The following AGER variants were observed in gnomAD, a reference collection of about 807,000 sequenced individuals.
AGER encodes the protein advanced glycation end product-specific receptor.
In AGER, 46 loss-of-function variants were observed where a neutral mutation model predicts 48.8. That is an observed-to-expected ratio of 0.94 (90% CI 0.74 to 1.20). The LOEUF is 1.20. Among genes scored for constraint, AGER ranks in the 50% most tolerant of loss-of-function variants. The pLI is 0.00. For synonymous variants in AGER, 170 were observed against 199.9 expected, an observed-to-expected ratio of 0.85 and a Z score of 1.26; for missense variants, 489 against 515.0, an observed-to-expected ratio of 0.95 and a Z score of 0.49.
At position 32,182,044 on chromosome 6, in the gene AGER, T is replaced by C. The variant is rs1290651154; in HGVS notation, c.964+203A>G. On this transcript the variant is annotated intron_variant, in intron 8 of 10. Transcript: ENST00000375076. This position sits in a 1 kb window ranked among gnomAD's most constrained non-coding sequence, Gnocchi z 5.1. Reference sequence around the variant, plus strand: ...CACCGCGCCCAGCCGTCTGTTCCTTTTTTTAGCTCAGAGGGAAGAAGGGAG... The same window carrying C: ...CACCGCGCCCAGCCGTCTGTTCCTTCTTTTAGCTCAGAGGGAAGAAGGGAG... The C allele has an allele frequency of 2.4e-6, 2 of 830,300 alleles. No individual in the cohort carries two copies. Among genetic ancestry groups the C allele is most frequent in the Non-Finnish European group, 4.0e-6 (2 of 503,046 alleles). 51.4% of individuals were successfully genotyped at this position (830,300 alleles called of 1,614,324 possible).
At position 32,183,751 on chromosome 6, in the gene AGER, C is replaced by G. The variant is rs760034116; in HGVS notation, c.160-1G>C. 1.5e-5 allele frequency: 24 copies of G among 1,612,622 alleles called. No homozygotes were observed. Among genetic ancestry groups the G allele is most frequent in the Non-Finnish European group, 1.9e-5 (23 of 1,179,850 alleles). On this transcript the variant is annotated splice_acceptor_variant, in intron 2 of 10. Coordinates refer to ENST00000375076, the MANE Select transcript of AGER (RefSeq NM_001136.5). LOFTEE classifies it high-confidence loss of function. Reference sequence around the variant, plus strand: ...TCCAAGCTTCTGTCCGGCCTGTGTTCTAGAAGCAGAGAAGCAGGGCCTAAA... The same window carrying G: ...TCCAAGCTTCTGTCCGGCCTGTGTTGTAGAAGCAGAGAAGCAGGGCCTAAA...
Position 32,182,337 on chromosome 6 carries a change from C to T in AGER, c.874G>A (p.Gly292Arg). Residue 292 changes from glycine to arginine, a missense_variant, in exon 8 of 11, where the codon GGG becomes AGG. By Grantham distance (125) the Gly-to-Arg change is moderately radical. Coordinates refer to ENST00000375076, the MANE Select transcript of AGER (RefSeq NM_001136.5). This position sits in a 1 kb window ranked among gnomAD's most constrained non-coding sequence, Gnocchi z 5.1. Reference protein sequence around the residue: ...PSPVLILPEIGPQDQGTYSCV... With the variant: ...PSPVLILPEIRPQDQGTYSCV... Reference sequence around the variant, plus strand: ...CTGTAGGTTCCCTGGTCCTGAGGCCCTATCTCAGGGAGGATCAGCACAGGG... The same window carrying T: ...CTGTAGGTTCCCTGGTCCTGAGGCCTTATCTCAGGGAGGATCAGCACAGGG... The T allele has an allele frequency of 6.2e-7, 1 of 1,612,152 alleles. No individual in the cohort carries two copies. Among genetic ancestry groups the T allele is most frequent in the Non-Finnish European group, 8.5e-7 (1 of 1,179,470 alleles).
chr6:32,183,093 G>A, intron 5 of AGER, 21 bp downstream of exon 5: 1 of 1,612,846 alleles, frequency 6.2e-7, no homozygotes, highest in South Asian at 1.1e-5. Context: ...AAGGCAGCTT[G>A]GGGGGCACCT....
chr6:32,183,545 G>A lies in AGER; in HGVS notation c.355+10C>T. On this transcript the variant is annotated intron_variant, in intron 3 of 10. Transcript: ENST00000375076. ...GAGGGAGGCCTTGGAGAAGACCCTG[G>A]AATTCTTACGGTAGACACGGACTCG... The A allele has an allele frequency of 1.2e-6, 2 of 1,613,076 alleles. No homozygotes were observed. The highest frequency in any genetic ancestry group is 1.7e-6 in the Non-Finnish European group (2 of 1,180,018).
At chr6:32,183,272 T>G (rs950405304) in intron 4 of AGER, 52 bp downstream of exon 4, 35 of 1,612,776 alleles carry the variant, frequency 2.2e-5, no homozygotes, top group Non-Finnish European at 2.9e-5. Flanking sequence ...CCACACACAC[T>G]CGCCTCCTGT....
At position 32,181,008 on chromosome 6, in the gene AGER, C is replaced by G. The variant is rs995838051; in HGVS notation, c.*135G>C. 4.5e-5 allele frequency: 39 copies of G among 867,762 alleles called. 2 individuals are homozygous for G. The highest frequency in any genetic ancestry group is 2.2e-4 in the East Asian group (9 of 41,322). 53.8% of individuals were successfully genotyped at this position (867,762 alleles called of 1,614,324 possible). On this transcript the variant is annotated 3_prime_UTR_variant, in exon 11 of 11. Coordinates refer to ENST00000375076, the MANE Select transcript of AGER (RefSeq NM_001136.5). The surrounding 1 kb of genome is among the most constrained non-coding windows in gnomAD (Gnocchi z 4.1). ...TGTTTAATCATCATTGTGGGGGGCT[C>G]TGGTTGTAGAAGAAAGCTTGGCAAG...
Position 32,182,648 on chromosome 6 carries a change from C to G in AGER, c.742G>C (p.Ala248Pro). The change falls in exon 7 of 11, where the codon GCA becomes CCA. Residue 248 changes from alanine (A) to proline (P), a missense_variant. Physicochemically the swap from Ala to Pro is conservative, Grantham distance 27. Coordinates refer to ENST00000375076, the MANE Select transcript of AGER (RefSeq NM_001136.5). The surrounding 1 kb of genome is among the most constrained non-coding windows in gnomAD (Gnocchi z 5.1). ...VQLVVEPEGG[A>P]VAPGGTVTLT... ...GTTACGGTTCCACCAGGAGCTACTG[C>G]TCCACCTTCTGGCTCCACCACCAAT... is the stretch of plus-strand genomic sequence containing the variant. 1.2e-6 allele frequency: 2 copies of G among 1,612,992 alleles called. No individual in the cohort carries two copies.
chr6:32,184,110 G>T, intron 1 of AGER, 61 bp downstream of exon 1: 1 of 1,604,770 alleles, frequency 6.2e-7, no homozygotes. Context: ...TAGGACGACT[G>T]GGGTGTGGGG....
rs764928579 is a variant in AGER, at chr6:32,181,605, C to T, written c.991+1G>A. ...TTCCCTGACTTTATCAAACCCCTCA[C>T]CTGCAGTTGGCCCCTCCTCGCCTGG... On this transcript the variant is annotated splice_donor_variant, in intron 9 of 10. Coordinates refer to ENST00000375076, the MANE Select transcript of AGER (RefSeq NM_001136.5). LOFTEE classifies it high-confidence loss of function. The surrounding 1 kb of genome is among the most constrained non-coding windows in gnomAD (Gnocchi z 4.1). 1 of 1,613,150 alleles carries T rather than the reference C, an allele frequency of 6.2e-7. No homozygotes were observed. Among genetic ancestry groups the T allele is most frequent in the Admixed American group, 1.7e-5 (1 of 60,034 alleles).
In AGER at chr6:32,180,979, C is replaced by T. The variant is rs1786072028; in HGVS notation, c.*164G>A. The T allele has an allele frequency of 1.4e-6, 1 of 719,708 alleles. No individual in the cohort carries two copies. The highest frequency in any genetic ancestry group is 2.4e-6 in the Non-Finnish European group (1 of 417,994). 44.6% of individuals were successfully genotyped at this position (719,708 alleles called of 1,614,324 possible). A position where few individuals can be genotyped will look rare whatever the true frequency, so the allele number is the denominator to read the frequency against. On this transcript the variant is annotated 3_prime_UTR_variant, in exon 11 of 11. Transcript: ENST00000375076. The stretch of plus-strand genomic sequence containing the variant: ...ACAGACACACAAGAGCAAGATGTGT[C>T]AGGTGTTTAATCATCATTGTGGGGG...
chr6:32,183,599 C>T lies in AGER; in HGVS notation c.311G>A (p.Arg104Lys), dbSNP rs778489029. The T allele has an allele frequency of 1.2e-6, 2 of 1,613,070 alleles. No homozygotes were observed. Among genetic ancestry groups the T allele is most frequent in the South Asian group, 2.2e-5 (2 of 91,082 alleles). The change falls in exon 3 of 11, where the codon AGG becomes AAG. Residue 104 changes from arginine (R) to lysine (K), a missense_variant. Coordinates refer to ENST00000375076, the MANE Select transcript of AGER (RefSeq NM_001136.5). Reference sequence around the variant, plus strand: ...GTTGGACTTGGTCTCCTTTCCATTCCTGTTCATTGCCTGGCACCGGAAAAT... The same window carrying T: ...GTTGGACTTGGTCTCCTTTCCATTCTTGTTCATTGCCTGGCACCGGAAAAT... The part of the protein sequence containing the change: ...EGIFRCQAMN[R>K]NGKETKSNYR...
rs1469908411 is a variant in AGER, at chr6:32,182,898, G to A, written c.634C>T (p.Pro212Ser). 3 of 1,611,894 alleles carry A rather than the reference G, an allele frequency of 1.9e-6. No individual in the cohort carries two copies. In the South Asian group the frequency reaches 3.3e-5, roughly 18 times the overall value. The change falls in exon 6 of 11, where the codon CCA (proline) becomes TCA (serine). Residue 212 changes from proline to serine, a missense_variant. Pro to Ser is a moderately conservative substitution (Grantham distance 74, BLOSUM62 -1). Transcript: ENST00000375076. The surrounding 1 kb of genome is among the most constrained non-coding windows in gnomAD (Gnocchi z 5.1). ...PRPTFSCSFSPGLPRHRALRT... is the reference protein window; with the variant it reads ...PRPTFSCSFSSGLPRHRALRT... ...AAGGCCCGGTGTCGGGGAAGGCCTG[G>A]GCTGAAGCTACAGGAGAAGGTGGGA... is the stretch of plus-strand genomic sequence containing the variant.
chr6:32,182,024 C>T lies in AGER; in HGVS notation c.964+223G>A, dbSNP rs9391855. 0.05 allele frequency: 37,214 copies of T among 747,962 alleles called. 1,516 individuals carry two copies. The highest frequency in any genetic ancestry group is 0.17 in the East Asian group (6,445 of 37,328). 46.3% of individuals were successfully genotyped at this position (747,962 alleles called of 1,614,324 possible). On this transcript the variant is annotated intron_variant, in intron 8 of 10. Transcript: ENST00000375076. The surrounding 1 kb of genome is among the most constrained non-coding windows in gnomAD (Gnocchi z 5.1). ...TTGGGATTACAGGCGTGAGCCACCG[C>T]GCCCAGCCGTCTGTTCCTTTTTTTA...
In AGER at chr6:32,182,881, G is replaced by GT. The variant is rs779530775; in HGVS notation, c.650dup (p.His217GlnfsTer44). The GT allele has an allele frequency of 1.2e-6, 2 of 1,611,554 alleles. No individual in the cohort carries two copies. Among genetic ancestry groups the GT allele is most frequent in the Non-Finnish European group, 8.5e-7 (1 of 1,179,442 alleles). Reference sequence around the variant, plus strand: ...GGATGGGGGCTGTGCGCAAGGCCCGGTGTCGGGGAAGGCCTGGGCTGAAGC... The same window carrying GT: ...GGATGGGGGCTGTGCGCAAGGCCCGGTTGTCGGGGAAGGCCTGGGCTGAAGC... On this transcript the variant is annotated frameshift_variant, in exon 6 of 11. Coordinates refer to ENST00000375076, the MANE Select transcript of AGER (RefSeq NM_001136.5). LOFTEE classifies it high-confidence loss of function. This position sits in a 1 kb window ranked among gnomAD's most constrained non-coding sequence, Gnocchi z 5.1.
Position 32,181,178 on chromosome 6 carries a change from G to T in AGER, c.1180C>A (p.Pro394Thr), listed in dbSNP as rs144228131. 2.5e-6 allele frequency: 4 copies of T among 1,614,082 alleles called. No individual in the cohort carries two copies. The highest frequency in any genetic ancestry group is 3.4e-6 in the Non-Finnish European group (4 of 1,180,048). Residue 394 changes from proline (P) to threonine (T), a missense_variant, in exon 11 of 11, where the codon CCT becomes ACT. Transcript: ENST00000375076. This position sits in a 1 kb window ranked among gnomAD's most constrained non-coding sequence, Gnocchi z 4.1. Reference protein sequence around the residue: ...ERAELNQSEEPEAGESSTGGP With the variant: ...ERAELNQSEETEAGESSTGGP ...CCAGTACTACTCTCGCCTGCCTCAG[G>T]TTCCTCCGACTGATTCAGTTCTGCA...
In AGER at chr6:32,183,608, G is replaced by A. The variant is rs747777558; in HGVS notation, c.302C>T (p.Ala101Val). ...GGTCTCCTTTCCATTCCTGTTCATT[G>A]CCTGGCACCGGAAAATCCCCTCATC... ...IQDEGIFRCQ[A>V]MNRNGKETKS... The change falls in exon 3 of 11, where the codon GCA (alanine) becomes GTA (valine). Residue 101 changes from alanine to valine, a missense_variant. By Grantham distance (64) the Ala-to-Val change is moderately conservative. Transcript: ENST00000375076. The A allele has an allele frequency of 5.6e-6, 9 of 1,612,954 alleles. No homozygotes were observed. In the South Asian group the frequency reaches 8.8e-5, roughly 16 times the overall value.
chr6:32,181,648 G>A lies in AGER; in HGVS notation c.965-16C>T. The A allele has an allele frequency of 6.2e-7, 1 of 1,612,760 alleles. No homozygotes were observed. Among genetic ancestry groups the A allele is most frequent in the Non-Finnish European group, 8.5e-7 (1 of 1,179,860 alleles). ...TCGCCTGGTTCTGGAAGACAAAGTT[G>A]GATCCAGTCAGAAAGGAAGACTTCG... On this transcript the variant is annotated splice_polypyrimidine_tract_variant and intron_variant, in intron 8 of 10. Coordinates refer to ENST00000375076, the MANE Select transcript of AGER (RefSeq NM_001136.5). This position sits in a 1 kb window ranked among gnomAD's most constrained non-coding sequence, Gnocchi z 4.1.
rs1196731729 is a variant in AGER, at chr6:32,182,315, T to G, written c.896A>C (p.Tyr299Ser). Reference sequence around the variant, plus strand: ...GCTGGAATGGGTGGCCACACAGCTGTAGGTTCCCTGGTCCTGAGGCCCTAT... The same window carrying G: ...GCTGGAATGGGTGGCCACACAGCTGGAGGTTCCCTGGTCCTGAGGCCCTAT... ...PEIGPQDQGT[Y>S]SCVATHSSHG... Residue 299 changes from tyrosine (Y) to serine (S), a missense_variant, in exon 8 of 11, where the codon TAC becomes TCC. Transcript: ENST00000375076. This position sits in a 1 kb window ranked among gnomAD's most constrained non-coding sequence, Gnocchi z 5.1. 1 of 1,612,444 alleles carries G rather than the reference T, an allele frequency of 6.2e-7. No individual in the cohort carries two copies. The highest frequency in any genetic ancestry group is 1.3e-5 in the African/African-American group (1 of 74,768).
chr6:32,183,477 C>T (rs1786632125), intron 3 of AGER, 78 bp downstream of exon 3: 1 of 1,608,340 alleles, frequency 6.2e-7, no homozygotes, highest in Non-Finnish European at 8.5e-7. Flanking sequence ...AGTCAGAGGC[C>T]CTCATGGGCC....
Sources: allele counts gnomAD v4.1 joint callset, GRCh38; gene constraint gnomAD v4.1.1; non-coding constraint Gnocchi (gnomAD v3.1); transcripts MANE v1.5; gene names NCBI Gene and HGNC (gene_info 2026-07-23, HGNC 2026-07-21).